Variants in AZIN1 observed in about 807,000 individuals in gnomAD.
The protein encoded by AZIN1 is ornithine decarboxylase antizyme inhibitor.
A neutral mutation model predicts 47.4 loss-of-function variants in AZIN1; 12 were observed. The observed-to-expected ratio is 0.25, with a 90% CI of 0.16 to 0.41. The LOEUF (loss-of-function observed/expected upper bound fraction) is 0.41. AZIN1 is among the 10% of genes least tolerant of loss of function. The pLI, the probability that AZIN1 is intolerant of heterozygous loss-of-function variation, is 1.00. For missense variants in AZIN1, 410 were observed against 532.4 expected (o/e 0.77, Z 2.26); for synonymous variants, 155 against 176.3 (o/e 0.88, Z 0.96).
intron 7 of AZIN1, 28 bp downstream of exon 7, chr8:102,834,638 T>A (rs749304461): frequency 1.6e-5 from 25 of 1,526,018 alleles, no homozygotes; most frequent in Non-Finnish European, 2.2e-5. Flanking sequence ...AAATAAAATA[T>A]CAAAATAACT....
At chr8:102,847,662 G>A (rs758052763) in intron 2 of AZIN1, among the ~76,000 whole-genome samples, 6 of 151,516 alleles carry the variant, frequency 4.0e-5, no homozygotes, top group Non-Finnish European at 5.9e-5. Context: ...CCACTCAGGC[G>A]ATCCTCCCAC....
intron 2 of AZIN1, among the ~76,000 whole-genome samples, chr8:102,854,082 G>A (rs1020754731): frequency 4.6e-5 from 7 of 151,946 alleles, no homozygotes; most frequent in Admixed American, 1.3e-4. Flanking sequence ...TTACATGCGT[G>A]CACCACCATG....
chr8:102,854,675 T>C (rs1292284670), intron 2 of AZIN1: 3 of 149,586 alleles, frequency 2.0e-5, no homozygotes, highest in South Asian at 2.1e-4. Context: ...GAGCTCCTAC[T>C]AAGGCATGTG....
intron 2 of AZIN1, among the ~76,000 whole-genome samples, chr8:102,852,291 T>C (rs537459941): frequency 6.6e-6 from 1 of 152,258 alleles, no homozygotes; most frequent in African/African-American, 2.4e-5. Context: ...ATAAAGCTCA[T>C]ACTGCCAAGC....
chr8:102,855,565 G>T (rs1035679038), intron 2 of AZIN1: 4 of 152,120 alleles, frequency 2.6e-5, no homozygotes, highest in Non-Finnish European at 5.9e-5. Context: ...CAAAATTCAG[G>T]TGGTTGATTT....
rs144533065 is a variant in AZIN1, at chr8:102,834,246, C to T, written c.684G>A (p.Thr228=). Residue 228 remains threonine (T), a synonymous_variant, in exon 8 of 12, where the codon ACG becomes ACA. Coordinates refer to ENST00000337198, the MANE Select transcript of AZIN1 (RefSeq NM_148174.4). ...CTCCACCAATGTCTAACATGTTCAT[C>T]GTAAAGCCAATTTCTCCCTAGAGAT... is the stretch of plus-strand genomic sequence containing the variant. The part of the protein sequence containing the change: ...VFDMAGEIGF[T]MNMLDIGGGF... The T allele has an allele frequency of 2.2e-5, 36 of 1,611,674 alleles. No homozygotes were observed. Among genetic ancestry groups the T allele is most frequent in the Middle Eastern group, 1.7e-4 (1 of 6,056 alleles).
At chr8:102,834,160 C>A (rs1319854822) in intron 8 of AZIN1, 29 bp downstream of exon 8, 2 of 1,576,670 alleles carry the variant, frequency 1.3e-6, no homozygotes, top group Non-Finnish European at 1.7e-6. Flanking sequence ...AGCAATTATT[C>A]TGTTAATGTC....
Position 102,829,860 on chromosome 8 carries a change from T to C in AZIN1, c.981A>G (p.Lys327=), listed in dbSNP as rs371035816. The part of the protein sequence containing the change: ...NDGVYGSFAS[K]LSEDLNTIPE... ...GAATGGTATTTAAGTCCTCAGACAGTTTACTTGCAAAAGAACCATAAACAC... is the reference window on the plus strand; with the variant it reads ...GAATGGTATTTAAGTCCTCAGACAGCTTACTTGCAAAAGAACCATAAACAC... Residue 327 remains lysine, a synonymous_variant, in exon 10 of 12, where the codon AAA becomes AAG. Coordinates refer to ENST00000337198, the MANE Select transcript of AZIN1 (RefSeq NM_148174.4). 6.2e-6 allele frequency: 10 copies of C among 1,613,344 alleles called. No individual in the cohort carries two copies. The African/African-American group carries it at 1.2e-4, about 19-fold the overall frequency.
At chr8:102,849,169 T>C (rs2131258381) in intron 2 of AZIN1, among the ~76,000 whole-genome samples, 1 of 152,270 alleles carries the variant, frequency 6.6e-6, no homozygotes, top group East Asian at 1.9e-4. Flanking sequence ...GGTGCACACC[T>C]GTAGTCCCAG....
intron 5 of AZIN1, among the ~76,000 whole-genome samples, chr8:102,838,122 T>C (rs1429663609): frequency 6.6e-6 from 1 of 151,796 alleles, no homozygotes; most frequent in African/African-American, 2.4e-5. Context: ...CTCAGTCTCC[T>C]AAAGTGCTGG....
intron 9 of AZIN1, among the ~76,000 whole-genome samples, chr8:102,831,772 C>A (rs562060042): frequency 6.6e-6 from 1 of 151,352 alleles, no homozygotes; most frequent in African/African-American, 2.4e-5. Context: ...AGAAACACGA[C>A]GAAACCCTCT....
At chr8:102,852,713 T>C (rs929753384) in intron 2 of AZIN1, among the ~76,000 whole-genome samples, 2 of 152,184 alleles carry the variant, frequency 1.3e-5, no homozygotes, top group South Asian at 2.1e-4. Context: ...TAACCCAGTA[T>C]GCTACACAGT....
In AZIN1 at chr8:102,834,715, T is replaced by C. The variant is rs1811706689; in HGVS notation, c.617A>G (p.Gln206Arg). The change falls in exon 7 of 12, where the codon CAA (glutamine) becomes CGA (arginine). Residue 206 changes from glutamine to arginine, a missense_variant. Gln to Arg is a conservative substitution (Grantham distance 43). Transcript: ENST00000337198. ...ATCAGATAGAGCATGTACATATACT[T>C]GAGATTCTTTGCAAGCACTCGAAAC... ...FHVSSACKES[Q>R]VYVHALSDAR... 2 of 1,612,248 alleles carry C rather than the reference T, an allele frequency of 1.2e-6. No individual in the cohort carries two copies. The highest frequency in any genetic ancestry group is 8.5e-7 in the Non-Finnish European group (1 of 1,178,992).
intron 3 of AZIN1, among the ~76,000 whole-genome samples, chr8:102,843,225 A>C (rs892779259): frequency 6.7e-6 from 1 of 150,188 alleles, no homozygotes; most frequent in Non-Finnish European, 1.5e-5. Context: ...AAAAAAAAAG[A>C]AAATTGAGAA....
chr8:102,830,146 G>C (rs1811344608), intron 9 of AZIN1: 1 of 400,716 alleles, frequency 2.5e-6, no homozygotes, highest in East Asian at 4.9e-5. Context: ...AGCACTTTGT[G>C]AGGCTGAGGT....
At chr8:102,861,341 A>G (rs2131293330) in intron 1 of AZIN1, among the ~76,000 whole-genome samples, 1 of 151,536 alleles carries the variant, frequency 6.6e-6, no homozygotes, top group East Asian at 2.0e-4. Context: ...GATTCTCCTG[A>G]CTCAGCCTCC....
chr8:102,839,837 A>T lies in AZIN1; in HGVS notation c.103-14T>A, dbSNP rs748549135. ...ATTTTTCCCTGTCTATTATGGTTATAAAAAAAAAGACAAATATGAACAAAA... is the reference window on the plus strand; with the variant it reads ...ATTTTTCCCTGTCTATTATGGTTATTAAAAAAAAGACAAATATGAACAAAA... On this transcript the variant is annotated splice_polypyrimidine_tract_variant and intron_variant, in intron 3 of 11. Transcript: ENST00000337198. 1.0e-4 allele frequency: 81 copies of T among 789,976 alleles called. No individual in the cohort carries two copies. The highest frequency in any genetic ancestry group is 7.5e-4 in the Middle Eastern group (2 of 2,684). 48.9% of individuals were successfully genotyped at this position (789,976 alleles called of 1,614,324 possible). A position where few individuals can be genotyped will look rare whatever the true frequency, so the allele number is the denominator to read the frequency against.
intron 2 of AZIN1, chr8:102,854,634 T>C (rs1204848181): frequency 6.8e-6 from 1 of 147,540 alleles, no homozygotes; most frequent in African/African-American, 2.5e-5. Flanking sequence ...ATATTTTTTT[T>C]CCCTAGTTAA....
Position 102,828,610 on chromosome 8 carries a change from C to T in AZIN1, c.1304G>A (p.Cys435Tyr). ...MMKNFFFVPSCIQLSQEDSFS... is the reference protein window; with the variant it reads ...MMKNFFFVPSYIQLSQEDSFS... ...GCTGTCTTCTTGGCTCAGCTGAATG[C>T]AAGAAGGCACAAAGAAGAAGTTCTT... The change falls in exon 12 of 12, where the codon TGC (cysteine) becomes TAC (tyrosine). Residue 435 changes from cysteine (C) to tyrosine (Y), a missense_variant. Physicochemically the swap from Cys to Tyr is radical, Grantham distance 194. Coordinates refer to ENST00000337198, the MANE Select transcript of AZIN1 (RefSeq NM_148174.4). The T allele has an allele frequency of 6.2e-7, 1 of 1,611,508 alleles. No individual in the cohort carries two copies. The highest frequency in any genetic ancestry group is 8.5e-7 in the Non-Finnish European group (1 of 1,177,976).
Sources: gnomAD v4.1 joint callset for allele counts (sites outside exome capture counted in the v4.1 genomes callset) on GRCh38, gnomAD v4.1.1 for gene constraint, MANE v1.5 for transcripts, NCBI Gene and HGNC (gene_info 2026-07-23, HGNC 2026-07-21) for gene names.